Variants in KCNH1 observed in about 807,000 individuals in gnomAD.
KCNH1 encodes the protein potassium voltage-gated channel subfamily H member 1.
KCNH1 carries 27 observed loss-of-function variants against 69.2 expected under a neutral mutation model. The ratio of observed to expected loss-of-function variants is 0.39; its 90% CI spans 0.29 to 0.54. The LOEUF (loss-of-function observed/expected upper bound fraction) is 0.54, where lower values mean the gene tolerates loss of function less well. Among genes scored for constraint, KCNH1 ranks in the 20% least tolerant of loss-of-function variants. The probability of loss-of-function intolerance (pLI) is 0.68; values close to 1 mark genes in which losing one functional copy is unlikely to be tolerated. For synonymous variants in KCNH1, 456 were observed against 487.7 expected (o/e 0.93, Z 0.86); for missense variants, 798 against 1,261.6 (o/e 0.63, Z 5.57).
intron 1 of KCNH1, among the ~76,000 whole-genome samples, chr1:211,124,633 A>T (rs1440017708): frequency 6.6e-6 from 1 of 151,408 alleles, no homozygotes; most frequent in Non-Finnish European, 1.5e-5. Flanking sequence ...AAAGAAAGAG[A>T]GAGAGAGAGA....
intron 9 of KCNH1, among the ~76,000 whole-genome samples, chr1:210,781,297 C>T (rs1467748276): frequency 6.6e-6 from 1 of 152,118 alleles, no homozygotes; most frequent in Non-Finnish European, 1.5e-5. Context: ...ACTCTGTTGG[C>T]GGCTTCTCTG....
At chr1:210,780,133 A>G (rs1364075568) in intron 9 of KCNH1, among the ~76,000 whole-genome samples, 1 of 152,210 alleles carries the variant, frequency 6.6e-6, no homozygotes, top group African/African-American at 2.4e-5. Context: ...GGAAGGATCA[A>G]TAGCCTTCTT....
At chr1:210,990,077 C>T (rs1319569980) in intron 6 of KCNH1, among the ~76,000 whole-genome samples, 1 of 152,208 alleles carries the variant, frequency 6.6e-6, no homozygotes, top group Admixed American at 6.5e-5. Flanking sequence ...ATATCTCCCC[C>T]ACCACATCCA....
chr1:210,731,487 T>C (rs1682745376), intron 10 of KCNH1, among the ~76,000 whole-genome samples: 1 of 151,968 alleles, frequency 6.6e-6, no homozygotes, highest in African/African-American at 2.4e-5. Context: ...GAAAAATTAT[T>C]TACAGAGGCT....
At chr1:210,861,113 A>G in intron 7 of KCNH1, 1 of 882,900 alleles carries the variant, frequency 1.1e-6, no homozygotes, top group Non-Finnish European at 1.9e-6. Context: ...AGCAGTGGCA[A>G]AGGAAATGAA....
chr1:210,771,063 G>A (rs1558462793), intron 10 of KCNH1, among the ~76,000 whole-genome samples: 1 of 152,192 alleles, frequency 6.6e-6, no homozygotes, highest in African/African-American at 2.4e-5. Flanking sequence ...ATACTGTGAC[G>A]TAGCTTGTAC....
chr1:210,954,313 A>C (rs544050726), intron 6 of KCNH1, among the ~76,000 whole-genome samples: 2 of 152,334 alleles, frequency 1.3e-5, no homozygotes, highest in South Asian at 4.2e-4. Context: ...ATTGATGGAC[A>C]TTTGGGTTGG....
At chr1:211,034,315 A>G (rs1254060267) in intron 5 of KCNH1, among the ~76,000 whole-genome samples, 1 of 152,162 alleles carries the variant, frequency 6.6e-6, no homozygotes, top group African/African-American at 2.4e-5. Flanking sequence ...GACTGAAAAA[A>G]AAACCTCAAA....
intron 5 of KCNH1, among the ~76,000 whole-genome samples, chr1:211,051,653 C>G (rs1006995800): frequency 1.3e-5 from 2 of 152,120 alleles, no homozygotes; most frequent in African/African-American, 4.8e-5. Context: ...CTAGTTGAGG[C>G]TAGAGAGGTG....
At chr1:210,929,956 T>C (rs373432752) in intron 6 of KCNH1, among the ~76,000 whole-genome samples, 41 of 152,136 alleles carry the variant, frequency 2.7e-4, no homozygotes, top group East Asian at 2.5e-3. Flanking sequence ...GTAAAATACA[T>C]AGGAATATAC....
intron 6 of KCNH1, among the ~76,000 whole-genome samples, chr1:210,988,836 A>G (rs2102387101): frequency 6.6e-6 from 1 of 152,358 alleles, no homozygotes; most frequent in Non-Finnish European, 1.5e-5. Flanking sequence ...GTTATGTTTT[A>G]TGATTTGCTG....
At chr1:210,881,149 T>G (rs115083026) in intron 7 of KCNH1, among the ~76,000 whole-genome samples, 620 of 152,138 alleles carry the variant, frequency 4.1e-3, no homozygotes, top group African/African-American at 0.014. Flanking sequence ...TCCCAAGGCA[T>G]GCTCCATCAT....
intron 7 of KCNH1, among the ~76,000 whole-genome samples, chr1:210,885,710 A>T (rs1686589273): frequency 6.6e-6 from 1 of 152,064 alleles, no homozygotes; most frequent in Non-Finnish European, 1.5e-5. Context: ...TGGTAGGGGG[A>T]GAGGCGTCCA....
At chr1:210,844,841 A>G (rs1685501988) in intron 7 of KCNH1, among the ~76,000 whole-genome samples, 1 of 152,208 alleles carries the variant, frequency 6.6e-6, no homozygotes, top group African/African-American at 2.4e-5. Flanking sequence ...CAAGACTAAT[A>G]AAGAAGAAAA....
At chr1:210,760,648 A>G (rs865826689) in intron 10 of KCNH1, among the ~76,000 whole-genome samples, 10 of 152,234 alleles carry the variant, frequency 6.6e-5, no homozygotes, top group African/African-American at 2.4e-4. Flanking sequence ...TAATGGACTT[A>G]CAGTTCCATA....
intron 6 of KCNH1, among the ~76,000 whole-genome samples, chr1:210,960,239 C>T (rs1422696531): frequency 2.6e-5 from 4 of 152,182 alleles, no homozygotes; most frequent in Non-Finnish European, 5.9e-5. Context: ...TCCCAGCCTC[C>T]TCCAAGAAGT....
chr1:211,096,344 G>A (rs1691154044), intron 3 of KCNH1, among the ~76,000 whole-genome samples: 1 of 152,020 alleles, frequency 6.6e-6, no homozygotes, highest in African/African-American at 2.4e-5. Context: ...GATTACAGGT[G>A]TGAGCCACCG....
At chr1:210,711,408 A>G (rs919397384) in intron 10 of KCNH1, among the ~76,000 whole-genome samples, 1 of 152,212 alleles carries the variant, frequency 6.6e-6, no homozygotes, top group South Asian at 2.1e-4. Flanking sequence ...TTGGGCCATC[A>G]GGGGAAGGTT....
At chr1:210,960,111 A>T (rs1688264821) in intron 6 of KCNH1, among the ~76,000 whole-genome samples, 1 of 152,214 alleles carries the variant, frequency 6.6e-6, no homozygotes, top group Non-Finnish European at 1.5e-5. Context: ...TTATTACTTA[A>T]TGTTCACATG....
Sources: allele counts gnomAD v4.1 joint callset (sites outside exome capture counted in the v4.1 genomes callset), GRCh38; gene constraint gnomAD v4.1.1; transcripts MANE v1.5; gene names NCBI Gene and HGNC (gene_info 2026-07-23, HGNC 2026-07-21).